Variants in ANKRD17 observed in about 807,000 individuals in gnomAD.
ANKRD17 encodes the protein ankyrin repeat domain 17.
A neutral mutation model predicts 229.7 loss-of-function variants in ANKRD17; 19 were observed. The ratio of observed to expected loss-of-function variants is 0.08; its 90% CI spans 0.06 to 0.12. The LOEUF (loss-of-function observed/expected upper bound fraction) is 0.12. ANKRD17 is among the 10% of genes least tolerant of loss of function. ANKRD17 has a pLI of 1.00. For synonymous variants in ANKRD17, 1,112 were observed against 1,146.1 expected, an observed-to-expected ratio of 0.97 and a Z score of 0.60; for missense variants, 2,176 against 3,176.8, an observed-to-expected ratio of 0.68 and a Z score of 7.57.
chr4:73,185,678 C>T (rs1006399880), intron 1 of ANKRD17, among the ~76,000 whole-genome samples: 1 of 151,880 alleles, frequency 6.6e-6, no homozygotes, highest in Non-Finnish European at 1.5e-5. Context: ...TAACTAACAC[C>T]ACTTTGGCTA....
rs998803847 is a variant in ANKRD17, at chr4:73,115,995, G to A, written c.4189-79C>T. 4.4e-5 allele frequency: 52 copies of A among 1,179,172 alleles called. No individual in the cohort carries two copies. In the Admixed American group the frequency reaches 6.6e-4, roughly 15 times the overall value. The allele number at this position is 1,179,172 out of a possible 1,614,324, so 73.0% of individuals were successfully genotyped here. On this transcript the variant is annotated intron_variant, in intron 22 of 33. Transcript: ENST00000358602. ...ATCTATGCCTGAACTAACTTTAACA[G>A]TTAAGATTAGGGCCACAAAGTAAAG...
intron 1 of ANKRD17, among the ~76,000 whole-genome samples, chr4:73,229,215 T>C (rs1742808010): frequency 6.6e-6 from 1 of 152,136 alleles, no homozygotes; most frequent in Non-Finnish European, 1.5e-5. Context: ...CACACCAACA[T>C]GGCACATGTA....
intron 31 of ANKRD17, among the ~76,000 whole-genome samples, chr4:73,078,144 C>G (rs193021199): frequency 6.6e-6 from 1 of 151,824 alleles, no homozygotes; most frequent in Non-Finnish European, 1.5e-5. Context: ...TTTGGGAGAC[C>G]GAGGCGGGCG....
In ANKRD17 at chr4:73,084,535, G is replaced by A. The variant is rs985018955; in HGVS notation, c.7159+714C>T. Among the ~76,000 whole-genome samples, 6 of 147,598 alleles carry A rather than the reference G, an allele frequency of 4.1e-5. No homozygotes were observed. In the South Asian group the frequency reaches 6.4e-4, roughly 16 times the overall value. On this transcript the variant is annotated intron_variant, in intron 30 of 33. Coordinates refer to ENST00000358602, the MANE Select transcript of ANKRD17 (RefSeq NM_032217.5). ...GTGATCTCGGCTCACTGCAACCTCC[G>A]CCTCCTGGGTTCAAGCAATTCTCCT... is the stretch of plus-strand genomic sequence containing the variant.
intron 27 of ANKRD17, 61 bp from the exon 28 acceptor site, chr4:73,094,289 T>C: frequency 6.9e-7 from 1 of 1,449,744 alleles, no homozygotes; most frequent in Non-Finnish European, 9.5e-7. Context: ...TTGTAATTTT[T>C]AAAAGAGGAA....
At chr4:73,242,664 A>G (rs1744149448) in intron 1 of ANKRD17, among the ~76,000 whole-genome samples, 1 of 152,232 alleles carries the variant, frequency 6.6e-6, no homozygotes, top group South Asian at 2.1e-4. Flanking sequence ...TCAATGAGTG[A>G]GAACTGCCTT....
At chr4:73,103,122 A>C (rs564322444) in intron 24 of ANKRD17, among the ~76,000 whole-genome samples, 11 of 152,080 alleles carry the variant, frequency 7.2e-5, no homozygotes, top group Non-Finnish European at 1.6e-4. Context: ...GAATAAATTA[A>C]CAGTATATAT....
At chr4:73,188,579 C>T (rs113563285) in intron 1 of ANKRD17, among the ~76,000 whole-genome samples, 3 of 150,826 alleles carry the variant, frequency 2.0e-5, no homozygotes, top group African/African-American at 4.9e-5. Flanking sequence ...AGTGAGACTC[C>T]GTCTAAAAAA....
intron 6 of ANKRD17, among the ~76,000 whole-genome samples, chr4:73,153,018 T>C (rs1458123503): frequency 1.3e-5 from 2 of 152,184 alleles, no homozygotes; most frequent in Non-Finnish European, 2.9e-5. Context: ...CATACAACCT[T>C]GGCTACTCTT....
intron 1 of ANKRD17, 65 bp downstream of exon 1, chr4:73,258,211 C>G: frequency 3.7e-6 from 6 of 1,606,836 alleles, no homozygotes; most frequent in Non-Finnish European, 5.1e-6. Flanking sequence ...CAAATCCCCT[C>G]CCACCTTCGG....
intron 30 of ANKRD17, among the ~76,000 whole-genome samples, chr4:73,079,969 G>C (rs1721391301): frequency 6.6e-6 from 1 of 152,084 alleles, no homozygotes; most frequent in Non-Finnish European, 1.5e-5. Context: ...AGCCGGGCGT[G>C]GTGGCACGCG....
At chr4:73,116,212 A>C (rs1188378657) in intron 22 of ANKRD17, among the ~76,000 whole-genome samples, 3 of 133,018 alleles carry the variant, frequency 2.3e-5, no homozygotes, top group African/African-American at 8.5e-5. Flanking sequence ...ATATGTCTGA[A>C]GGGTGGTGGG....
intron 1 of ANKRD17, among the ~76,000 whole-genome samples, chr4:73,181,239 C>G (rs894787224): frequency 6.6e-6 from 1 of 152,110 alleles, no homozygotes; most frequent in African/African-American, 2.4e-5. Flanking sequence ...ACATTTATTG[C>G]AAACATTCTA....
chr4:73,085,669 C>T (rs1384746451), intron 29 of ANKRD17, among the ~76,000 whole-genome samples: 4 of 144,444 alleles, frequency 2.8e-5, no homozygotes, highest in South Asian at 2.2e-4. Flanking sequence ...GGCAACACAT[C>T]GAGACCCCAC....
At chr4:73,182,354 G>T (rs1410765816) in intron 1 of ANKRD17, among the ~76,000 whole-genome samples, 2 of 151,982 alleles carry the variant, frequency 1.3e-5, no homozygotes, top group East Asian at 1.9e-4. Flanking sequence ...AAATCACCAG[G>T]TTCAATTCAG....
chr4:73,097,934 CAATTGA>C lies in ANKRD17; in HGVS notation c.5021+133_5021+138del, dbSNP rs1031733245. On this transcript the variant is annotated intron_variant, in intron 26 of 33. Transcript: ENST00000358602. ...CTAAACAAAAGCTTATTCTTCAATT[CAATTGA>C]AACAGTACCTTCTTTAGCACAAAGA... The C allele has an allele frequency of 2.3e-5, 15 of 639,756 alleles. No individual in the cohort carries two copies. In the African/African-American group the frequency reaches 2.8e-4, roughly 12 times the overall value. 39.6% of individuals were successfully genotyped at this position (639,756 alleles called of 1,614,324 possible). A position where few individuals can be genotyped will look rare whatever the true frequency, so the allele number is the denominator to read the frequency against.
chr4:73,237,851 AT>A (rs995449976), intron 1 of ANKRD17, among the ~76,000 whole-genome samples: 5 of 152,178 alleles, frequency 3.3e-5, no homozygotes, highest in Non-Finnish European at 7.4e-5. Flanking sequence ...TTCTCAAGGA[AT>A]TTAAGAACAT....
intron 1 of ANKRD17, 126 bp from the exon 2 acceptor site, chr4:73,177,659 C>A (rs1315397242): frequency 1.5e-6 from 1 of 654,840 alleles, no homozygotes; most frequent in East Asian, 2.8e-5. Context: ...ATGGTAAACA[C>A]AGTGCAACCC....
chr4:73,258,356 C>T lies in ANKRD17; in HGVS notation c.313G>A (p.Gly105Arg). Residue 105 changes from glycine to arginine, a missense_variant, in exon 1 of 34, where the codon GGA becomes AGA. By Grantham distance (125) the Gly-to-Arg change is moderately radical. Transcript: ENST00000358602. ...CTGCTGGTGCCGCCGCCGCCACCTCCGCCTCCACCGCCGCCTCCACCGCCG... is the reference window on the plus strand; with the variant it reads ...CTGCTGGTGCCGCCGCCGCCACCTCTGCCTCCACCGCCGCCTCCACCGCCG... ...SGGGGGGGGG[G>R]GGGGGTSSNN... 7 of 1,567,322 alleles carry T rather than the reference C, an allele frequency of 4.5e-6. No homozygotes were observed. The highest frequency in any genetic ancestry group is 6.1e-6 in the Non-Finnish European group (7 of 1,149,894).
Sources: allele counts gnomAD v4.1 joint callset (sites outside exome capture counted in the v4.1 genomes callset), GRCh38; gene constraint gnomAD v4.1.1; transcripts MANE v1.5; gene names NCBI Gene and HGNC (gene_info 2026-07-23, HGNC 2026-07-21).